Variants in GBP7 observed in about 807,000 individuals in gnomAD.
GBP7 encodes guanylate binding protein 7.
Under a neutral mutation model 61.3 loss-of-function variants are expected in GBP7, and 43 were observed. The observed-to-expected ratio is 0.70, with a 90% CI of 0.55 to 0.91. The LOEUF (loss-of-function observed/expected upper bound fraction) is 0.91, where lower values mean the gene tolerates loss of function less well. GBP7 is among the 40% of genes least tolerant of loss of function. The pLI, the probability that GBP7 is intolerant of heterozygous loss-of-function variation, is 0.00. For missense variants in GBP7, 717 were observed against 740.5 expected (o/e 0.97, Z 0.37); for synonymous variants, 267 against 271.0 (o/e 0.99, Z 0.14).
chr1:89,165,094 A>G (rs1647386093), intron 2 of GBP7, among the ~76,000 whole-genome samples: 1 of 152,208 alleles, frequency 6.6e-6, no homozygotes, highest in African/African-American at 2.4e-5. Context: ...TACAGAATTA[A>G]TGTAAACTCT....
intron 1 of GBP7, among the ~76,000 whole-genome samples, chr1:89,174,412 G>T (rs896812503): frequency 6.6e-6 from 1 of 152,104 alleles, no homozygotes; most frequent in Non-Finnish European, 1.5e-5. Context: ...TTTTTCCTAG[G>T]TGCCCCGCTT....
intron 3 of GBP7, among the ~76,000 whole-genome samples, chr1:89,159,831 T>C (rs773532799): frequency 2.0e-5 from 3 of 152,186 alleles, no homozygotes; most frequent in Non-Finnish European, 2.9e-5. Flanking sequence ...CAACTAGAAA[T>C]ACCATTTAAC....
In GBP7 at chr1:89,133,461, C is replaced by A. The variant is rs200981562; in HGVS notation, c.1469-10G>T. 6.2e-7 allele frequency: 1 copy of A among 1,612,396 alleles called. No homozygotes were observed. ...TTCTTAGCCTGCTTAGCTGTTCCAC[C>A]GAGGTTTTACAGAGGGAAGAAAATA... On this transcript the variant is annotated splice_polypyrimidine_tract_variant and intron_variant, in intron 9 of 10. Transcript: ENST00000294671.
At position 89,170,751 on chromosome 1, in the gene GBP7, T is replaced by C. The variant is rs186826714; in HGVS notation, c.190+995A>G. Reference sequence around the variant, plus strand: ...GAAGGAAGGGCTTTCATGTATACTTTCTTGTAGTGGAAACTGCCATTAAGA... The same window carrying C: ...GAAGGAAGGGCTTTCATGTATACTTCCTTGTAGTGGAAACTGCCATTAAGA... On this transcript the variant is annotated intron_variant, in intron 2 of 10. Transcript: ENST00000294671. 2.6e-4 allele frequency among the ~76,000 whole-genome samples: 40 copies of C among 152,334 alleles called. 2 individuals are homozygous for C. The East Asian group carries it at 2.7e-3, about 10-fold the overall frequency.
At chr1:89,147,089 C>T (rs1163884844) in intron 8 of GBP7, among the ~76,000 whole-genome samples, 4 of 152,094 alleles carry the variant, frequency 2.6e-5, no homozygotes, top group Non-Finnish European at 5.9e-5. Context: ...AACAAAATCA[C>T]CTAAAATAAT....
chr1:89,160,645 G>T (rs1387275236), intron 3 of GBP7, among the ~76,000 whole-genome samples: 1 of 152,116 alleles, frequency 6.6e-6, no homozygotes, highest in African/African-American at 2.4e-5. Flanking sequence ...CATAGTTAGT[G>T]CTATATGTGT....
At chr1:89,134,341 A>G (rs1570336854) in intron 9 of GBP7, among the ~76,000 whole-genome samples, 1 of 152,158 alleles carries the variant, frequency 6.6e-6, no homozygotes, top group South Asian at 2.1e-4. Flanking sequence ...CATGCACAGA[A>G]CCTGCAGCAC....
chr1:89,157,414 G>A (rs1682341834), intron 3 of GBP7, among the ~76,000 whole-genome samples: 1 of 152,110 alleles, frequency 6.6e-6, no homozygotes, highest in African/African-American at 2.4e-5. Flanking sequence ...AATGAATCAA[G>A]GAGCTGGTTT....
In GBP7 at chr1:89,154,807, A is replaced by AAAAAAT. The variant is rs139008684; in HGVS notation, c.319-2031_319-2030insATTTTT. On this transcript the variant is annotated intron_variant, in intron 3 of 10. Transcript: ENST00000294671. ...ACCATGAAAGTTAATAAAATTTAAA[A>AAAAAAT]AAAATAAAGAAAACATTCCTGTCTG... Among the ~76,000 whole-genome samples the AAAAAAT allele has an allele frequency of 2.8e-4, 43 of 151,400 alleles. No individual in the cohort carries two copies. In the East Asian group the frequency reaches 6.0e-3, roughly 21 times the overall value.
At chr1:89,161,475 G>A (rs1570358543) in intron 3 of GBP7, among the ~76,000 whole-genome samples, 2 of 151,568 alleles carry the variant, frequency 1.3e-5, no homozygotes, top group Admixed American at 1.3e-4. Flanking sequence ...TCTGACTGGT[G>A]TGATCATGAT....
At position 89,132,048 on chromosome 1, in the gene GBP7, A is replaced by T; in HGVS notation, c.*101T>A. Reference sequence around the variant, plus strand: ...GAACTTCAGGCCATAATATTCTTTGAAATTTGCTTTTTAATTTTAAACTTT... The same window carrying T: ...GAACTTCAGGCCATAATATTCTTTGTAATTTGCTTTTTAATTTTAAACTTT... On this transcript the variant is annotated 3_prime_UTR_variant, in exon 11 of 11. Coordinates refer to ENST00000294671, the MANE Select transcript of GBP7 (RefSeq NM_207398.3). 1.1e-6 allele frequency: 1 copy of T among 941,142 alleles called. No individual in the cohort carries two copies. Among genetic ancestry groups the T allele is most frequent in the African/African-American group, 1.7e-5 (1 of 60,314 alleles). The allele number at this position is 941,142 out of a possible 1,614,324, so 58.3% of individuals were successfully genotyped here. A position where few individuals can be genotyped will look rare whatever the true frequency, so the allele number is the denominator to read the frequency against.
chr1:89,164,201 G>T lies in GBP7; in HGVS notation c.318+530C>A, dbSNP rs116244828. ...TGCTTTTCTAGACATTTAAAAACAG[G>T]TTATTTCAGTGAAACTCTATTTTCC... On this transcript the variant is annotated intron_variant, in intron 3 of 10. Transcript: ENST00000294671. 3.9e-3 allele frequency among the ~76,000 whole-genome samples: 598 copies of T among 152,234 alleles called. 2 individuals are homozygous for T. Among genetic ancestry groups the T allele is most frequent in the Non-Finnish European group, 6.3e-3 (429 of 68,016 alleles).
chr1:89,145,053 A>C (rs1237927838), intron 8 of GBP7, among the ~76,000 whole-genome samples: 1 of 151,310 alleles, frequency 6.6e-6, no homozygotes, highest in East Asian at 1.9e-4. Context: ...CCCAGGTTCA[A>C]GTAATTCTCC....
intron 9 of GBP7, among the ~76,000 whole-genome samples, chr1:89,136,529 A>G (rs1379953808): frequency 1.3e-5 from 2 of 152,222 alleles, no homozygotes; most frequent in African/African-American, 2.4e-5. Context: ...ATACAATTAC[A>G]TGAAAATTAA....
chr1:89,164,979 C>T, intron 2 of GBP7, 121 bp from the exon 3 acceptor site: 1 of 897,882 alleles, frequency 1.1e-6, no homozygotes, highest in East Asian at 2.7e-5. Context: ...GCTTCCATTT[C>T]AGCAAAGACA....
chr1:89,138,608 G>T (rs778793980), intron 9 of GBP7, among the ~76,000 whole-genome samples: 4 of 152,006 alleles, frequency 2.6e-5, no homozygotes, highest in African/African-American at 9.7e-5. Flanking sequence ...AAATGGTGCT[G>T]GGTTAACTGG....
Position 89,141,620 on chromosome 1 carries a change from T to A in GBP7, c.1394A>T (p.Gln465Leu). The A allele has an allele frequency of 6.2e-7, 1 of 1,613,856 alleles. No individual in the cohort carries two copies. Among genetic ancestry groups the A allele is most frequent in the Non-Finnish European group, 8.5e-7 (1 of 1,179,806 alleles). ...GGATTCCTCTATAACCACCTGTGAC[T>A]GCAGGAAGCTCTGGAGGACCTCGTC... is the stretch of plus-strand genomic sequence containing the variant. ...KADEVLQSFL[Q>L]SQVVIEESIL... The change falls in exon 9 of 11, where the codon CAG becomes CTG. Residue 465 changes from glutamine (Q) to leucine (L), a missense_variant. This residue lies in a region of GBP7 where 312 missense variants were observed against 310.1 expected (regional missense o/e 1.01). Transcript: ENST00000294671.
chr1:89,158,412 A>G (rs1443937337), intron 3 of GBP7, among the ~76,000 whole-genome samples: 1 of 152,178 alleles, frequency 6.6e-6, no homozygotes, highest in Non-Finnish European at 1.5e-5. Context: ...AAAAGAGGAA[A>G]TCAAATTGTC....
intron 8 of GBP7, among the ~76,000 whole-genome samples, chr1:89,142,736 A>G (rs755077062): frequency 6.6e-6 from 1 of 151,958 alleles, no homozygotes; most frequent in Non-Finnish European, 1.5e-5. Context: ...GGCACATCAC[A>G]GAAGGAAGGA....
Sources: allele counts gnomAD v4.1 joint callset (sites outside exome capture counted in the v4.1 genomes callset), GRCh38; gene constraint gnomAD v4.1.1; regional missense constraint gnomAD v4.1.1; transcripts MANE v1.5; gene names NCBI Gene and HGNC (gene_info 2026-07-23, HGNC 2026-07-21).